Variants in HDAC9 observed in about 807,000 individuals in gnomAD.
HDAC9 encodes the protein histone deacetylase 9.
A neutral mutation model predicts 139.4 loss-of-function variants in HDAC9; 41 were observed. The ratio of observed to expected loss-of-function variants is 0.29; its 90% CI spans 0.23 to 0.38. The LOEUF is 0.38. Ranked by LOEUF, HDAC9 falls within the 10% of genes least tolerant of loss-of-function variation. The pLI is 1.00. For synonymous variants in HDAC9, 517 were observed against 476.2 expected, an observed-to-expected ratio of 1.09 and a Z score of -1.12; for missense variants, 1,147 against 1,297.0, an observed-to-expected ratio of 0.88 and a Z score of 1.78.
chr7:18,810,369 G>A (rs1453806527), intron 17 of HDAC9, among the ~76,000 whole-genome samples: 1 of 151,838 alleles, frequency 6.6e-6, no homozygotes, highest in Non-Finnish European at 1.5e-5. Context: ...CACAGATTCT[G>A]GGAGTTAGTA....
In HDAC9 at chr7:18,729,375, T is replaced by C. The variant is rs147869226; in HGVS notation, c.1909+1618T>C. ...AAGTTTCCTGTTGATGTGCCCAAGTTTGCTACTGTATATTACTGTAATCCT... is the reference window on the plus strand; with the variant it reads ...AAGTTTCCTGTTGATGTGCCCAAGTCTGCTACTGTATATTACTGTAATCCT... On this transcript the variant is annotated intron_variant, in intron 13 of 25. Coordinates refer to ENST00000686413, the MANE Select transcript of HDAC9 (RefSeq NM_178425.4). Among the ~76,000 whole-genome samples, 6 of 152,252 alleles carry C rather than the reference T, an allele frequency of 3.9e-5. 1 individual carries two copies. In the East Asian group the frequency reaches 9.6e-4, roughly 24 times the overall value.
intron 1 of HDAC9, among the ~76,000 whole-genome samples, chr7:18,368,442 A>G (rs1226660226): frequency 1.3e-5 from 2 of 152,014 alleles, no homozygotes; most frequent in Non-Finnish European, 2.9e-5. Context: ...TATATCAAAC[A>G]TGCTGTTTCT....
At chr7:18,785,082 G>A (rs7798646) in intron 16 of HDAC9, among the ~76,000 whole-genome samples, 27,101 of 151,858 alleles carry the variant, frequency 0.18, 4,099 homozygotes, top group African/African-American at 0.42. Flanking sequence ...GAAATCATCA[G>A]ATAAAATTGC....
chr7:18,637,936 T>C (rs550724062), intron 8 of HDAC9, among the ~76,000 whole-genome samples: 1 of 152,084 alleles, frequency 6.6e-6, no homozygotes, highest in Non-Finnish European at 1.5e-5. Context: ...AAAAAATTTC[T>C]TAGCCATAGT....
intron 11 of HDAC9, among the ~76,000 whole-genome samples, chr7:18,651,670 TATTC>T (rs761768153): frequency 1.1e-3 from 164 of 152,328 alleles, no homozygotes; most frequent in Admixed American, 2.4e-3. Context: ...GTTTATAAAA[TATTC>T]ATGTTCAGTG....
At chr7:18,595,564 C>T (rs978806971) in intron 6 of HDAC9, among the ~76,000 whole-genome samples, 1 of 151,940 alleles carries the variant, frequency 6.6e-6, no homozygotes, top group African/African-American at 2.4e-5. Flanking sequence ...GGTCTTAGGG[C>T]AGTGAATGGC....
intron 2 of HDAC9, among the ~76,000 whole-genome samples, chr7:18,228,655 C>T (rs1213520411): frequency 6.6e-6 from 1 of 151,996 alleles, no homozygotes; most frequent in Non-Finnish European, 1.5e-5. Context: ...TTTTTTTAAC[C>T]TCTCTTTGGT....
At chr7:18,933,710 A>C (rs1481380621) in intron 22 of HDAC9, among the ~76,000 whole-genome samples, 1 of 152,194 alleles carries the variant, frequency 6.6e-6, no homozygotes, top group Non-Finnish European at 1.5e-5. Flanking sequence ...GAGCAAACTA[A>C]ACCAAAAGAT....
intron 1 of HDAC9, among the ~76,000 whole-genome samples, chr7:18,119,217 T>C (rs1784211051): frequency 6.6e-6 from 1 of 152,230 alleles, no homozygotes; most frequent in African/African-American, 2.4e-5. Flanking sequence ...GAAATCAAAG[T>C]GCACCAGTCC....
At chr7:18,657,282 TG>T (rs1791542065) in intron 11 of HDAC9, among the ~76,000 whole-genome samples, 1 of 152,172 alleles carries the variant, frequency 6.6e-6, no homozygotes, top group Non-Finnish European at 1.5e-5. Context: ...TAATTGGGTT[TG>T]CCCTGCTTTC....
At chr7:18,510,528 AT>A (rs933816750) in intron 2 of HDAC9, among the ~76,000 whole-genome samples, 3 of 152,044 alleles carry the variant, frequency 2.0e-5, no homozygotes. Context: ...AAATAGGTGG[AT>A]TTTTCTGTTA....
intron 13 of HDAC9, among the ~76,000 whole-genome samples, chr7:18,738,641 A>G (rs924746680): frequency 6.6e-6 from 1 of 152,178 alleles, no homozygotes; most frequent in Non-Finnish European, 1.5e-5. Flanking sequence ...TGTTAGTCTG[A>G]TGGGCTTCCC....
intron 6 of HDAC9, among the ~76,000 whole-genome samples, chr7:18,626,861 C>T (rs1247003313): frequency 1.3e-5 from 2 of 152,086 alleles, no homozygotes; most frequent in East Asian, 3.9e-4. Flanking sequence ...TCCAATCTGT[C>T]AGCACATTTT....
rs918942948 is a variant in HDAC9 at position 18,633,697 on chromosome 7, A to G, written c.797-930A>G. 6.6e-5 allele frequency among the ~76,000 whole-genome samples: 10 copies of G among 152,218 alleles called. No homozygotes were observed. The South Asian group carries it at 1.0e-3, about 16-fold the overall frequency. ...GACAAGGTGTAATGATGAGGCAGCT[A>G]GGAAGATTTTGAAATGAGTGAAGTG... On this transcript the variant is annotated intron_variant, in intron 7 of 25. Coordinates refer to ENST00000686413, the MANE Select transcript of HDAC9 (RefSeq NM_178425.4).
rs372604711 is a variant in HDAC9, at chr7:18,767,151, T to G, written c.2210T>G (p.Leu737Arg). The change falls in exon 16 of 26, where the codon CTT becomes CGT. Residue 737 changes from leucine to arginine, a missense_variant. Transcript: ENST00000686413. The stretch of plus-strand genomic sequence containing the variant: ...TTTTCCTCATTACCTTGTGGTGGAC[T>G]TGGGGTAAGTACAAGTTGGTTTACT... ...KFFSSLPCGGLGVDSDTIWNE... is the reference protein window; with the variant it reads ...KFFSSLPCGGRGVDSDTIWNE... The G allele has an allele frequency of 2.5e-6, 4 of 1,575,340 alleles. No homozygotes were observed. Among genetic ancestry groups the G allele is most frequent in the Non-Finnish European group, 3.5e-6 (4 of 1,155,938 alleles).
At chr7:18,500,621 C>T (rs1474985790) in intron 2 of HDAC9, among the ~76,000 whole-genome samples, 2 of 152,080 alleles carry the variant, frequency 1.3e-5, no homozygotes, top group Admixed American at 6.6e-5. Context: ...TTGGGTTGTT[C>T]TTGTTTTCTC....
At chr7:18,303,774 C>G (rs1314878673) in intron 1 of HDAC9, among the ~76,000 whole-genome samples, 1 of 152,130 alleles carries the variant, frequency 6.6e-6, no homozygotes, top group Non-Finnish European at 1.5e-5. Flanking sequence ...TGTGTCACTT[C>G]TGGATCTGTG....
chr7:18,619,971 G>A (rs1320908339), intron 6 of HDAC9, among the ~76,000 whole-genome samples: 5 of 152,074 alleles, frequency 3.3e-5, no homozygotes, highest in Admixed American at 6.6e-5. Flanking sequence ...TACCTATCAC[G>A]TGGCACTGAT....
At chr7:18,982,888 A>G (rs915810420) in intron 25 of HDAC9, among the ~76,000 whole-genome samples, 1 of 152,182 alleles carries the variant, frequency 6.6e-6, no homozygotes, top group African/African-American at 2.4e-5. Context: ...ATACCTACGG[A>G]TGGATGTTTG....
Sources: allele counts gnomAD v4.1 joint callset (sites outside exome capture counted in the v4.1 genomes callset), GRCh38; gene constraint gnomAD v4.1.1; transcripts MANE v1.5; gene names NCBI Gene and HGNC (gene_info 2026-07-23, HGNC 2026-07-21).